The following ADAMTS19 variants were observed in gnomAD, a reference collection of about 807,000 sequenced individuals.
ADAMTS19 encodes A disintegrin and metalloproteinase with thrombospondin motifs 19.
In ADAMTS19, 93 loss-of-function variants were observed where a neutral mutation model predicts 153.3. That is an observed-to-expected ratio of 0.61 (90% CI 0.51 to 0.72). ADAMTS19 has a LOEUF of 0.72. Ranked by LOEUF, ADAMTS19 falls within the 30% of genes least tolerant of loss-of-function variation. The pLI, the probability that ADAMTS19 is intolerant of heterozygous loss-of-function variation, is 0.00. For synonymous variants in ADAMTS19, 600 were observed against 556.6 expected (o/e 1.08, Z -1.10); for missense variants, 1,482 against 1,552.1 (o/e 0.95, Z 0.76).
chr5:129,732,785 T>C (rs989884268), intron 21 of ADAMTS19, among the ~76,000 whole-genome samples: 1 of 152,004 alleles, frequency 6.6e-6, no homozygotes, highest in South Asian at 2.1e-4. Flanking sequence ...ATTATCAATG[T>C]CATTTTTCAC....
chr5:129,648,041 T>G (rs1753146549), intron 12 of ADAMTS19, 146 bp downstream of exon 12: 2 of 866,058 alleles, frequency 2.3e-6, no homozygotes, highest in Non-Finnish European at 1.6e-6. Flanking sequence ...ATTATTTATT[T>G]TATATAAAAA....
chr5:129,728,049 G>A (rs1270281175), intron 21 of ADAMTS19, among the ~76,000 whole-genome samples: 1 of 152,130 alleles, frequency 6.6e-6, no homozygotes. Flanking sequence ...CCAAGATGGT[G>A]ATGAAAGTGT....
chr5:129,610,804 C>T (rs539403207), intron 8 of ADAMTS19, among the ~76,000 whole-genome samples: 104 of 152,234 alleles, frequency 6.8e-4, no homozygotes, highest in African/African-American at 2.4e-3. Context: ...GGTATACACC[C>T]AGTAATGGAA....
intron 6 of ADAMTS19, among the ~76,000 whole-genome samples, chr5:129,538,382 AT>A (rs1280889698): frequency 6.6e-6 from 1 of 152,116 alleles, no homozygotes; most frequent in Admixed American, 6.6e-5. Flanking sequence ...CCAACAAAAT[AT>A]ATTGTGGCAT....
At chr5:129,672,460 G>A (rs566678362) in intron 16 of ADAMTS19, among the ~76,000 whole-genome samples, 1 of 152,122 alleles carries the variant, frequency 6.6e-6, no homozygotes, top group African/African-American at 2.4e-5. Flanking sequence ...TGGTAAGCAG[G>A]TGTAGACTTT....
At chr5:129,724,765 C>T (rs1023412213) in intron 21 of ADAMTS19, among the ~76,000 whole-genome samples, 4 of 152,138 alleles carry the variant, frequency 2.6e-5, no homozygotes, top group African/African-American at 9.7e-5. Flanking sequence ...ATCTAATTTA[C>T]ATAGGGCATG....
intron 2 of ADAMTS19, among the ~76,000 whole-genome samples, chr5:129,475,119 A>G (rs1251493197): frequency 6.7e-6 from 1 of 148,776 alleles, no homozygotes; most frequent in Non-Finnish European, 1.5e-5. Context: ...TTTTTTTTTA[A>G]TGGAACATGT....
chr5:129,501,335 G>C (rs1409958341), intron 2 of ADAMTS19, among the ~76,000 whole-genome samples: 1 of 152,156 alleles, frequency 6.6e-6, no homozygotes, highest in African/African-American at 2.4e-5. Context: ...AAGCCAGTGT[G>C]CCTTTGGCAG....
intron 7 of ADAMTS19, among the ~76,000 whole-genome samples, chr5:129,555,376 A>T (rs1429260946): frequency 2.6e-5 from 4 of 152,132 alleles, no homozygotes; most frequent in African/African-American, 9.7e-5. Context: ...CATGGACATT[A>T]TCTCATTTAA....
At chr5:129,526,927 G>T (rs983182646) in intron 4 of ADAMTS19, among the ~76,000 whole-genome samples, 3 of 151,640 alleles carry the variant, frequency 2.0e-5, no homozygotes, top group African/African-American at 7.3e-5. Flanking sequence ...TATATATGTG[G>T]CCCCACAAAA....
At chr5:129,485,523 T>C (rs1053202876) in intron 2 of ADAMTS19, among the ~76,000 whole-genome samples, 40 of 151,602 alleles carry the variant, frequency 2.6e-4, no homozygotes, top group Non-Finnish European at 1.2e-4. Context: ...TAGAGAAAAA[T>C]TAATATTCTG....
At chr5:129,737,007 G>A (rs761944250) in intron 22 of ADAMTS19, 60 bp from the exon 23 acceptor site, 981 of 1,412,032 alleles carry the variant, frequency 6.9e-4, no homozygotes, top group Non-Finnish European at 8.7e-4. Flanking sequence ...GCTTGAAGTT[G>A]GTTTTTACTG....
rs905425397 is a variant in ADAMTS19 at position 129,684,025 on chromosome 5, T to G, written c.2665-95T>G. The G allele has an allele frequency of 5.2e-6, 7 of 1,333,672 alleles. No homozygotes were observed. In the African/African-American group the frequency reaches 8.8e-5, roughly 17 times the overall value. The allele number at this position is 1,333,672 out of a possible 1,614,324, so 82.6% of individuals were successfully genotyped here. A position where few individuals can be genotyped will look rare whatever the true frequency, so the allele number is the denominator to read the frequency against. On this transcript the variant is annotated intron_variant, in intron 17 of 22. Transcript: ENST00000274487. ...CAACAACAAAATGCACACAACACAATGAGCATTTTAAGTATCAATATTGTT... is the reference window on the plus strand; with the variant it reads ...CAACAACAAAATGCACACAACACAAGGAGCATTTTAAGTATCAATATTGTT...
chr5:129,558,771 G>A (rs1753400785), intron 7 of ADAMTS19, among the ~76,000 whole-genome samples: 1 of 152,062 alleles, frequency 6.6e-6, no homozygotes, highest in African/African-American at 2.4e-5. Flanking sequence ...ATATGAAAAT[G>A]CAGTTGCCTG....
At chr5:129,699,293 C>T (rs1451943848) in intron 19 of ADAMTS19, among the ~76,000 whole-genome samples, 1 of 151,930 alleles carries the variant, frequency 6.6e-6, no homozygotes, top group African/African-American at 2.4e-5. Context: ...ACATGGCGGG[C>T]ATGCCCATAA....
At chr5:129,725,548 T>G (rs574905380) in intron 21 of ADAMTS19, among the ~76,000 whole-genome samples, 1 of 152,138 alleles carries the variant, frequency 6.6e-6, no homozygotes, top group South Asian at 2.1e-4. Context: ...TGAGATCTTA[T>G]TGGAAAGTTG....
At chr5:129,565,706 A>G (rs890177390) in intron 7 of ADAMTS19, among the ~76,000 whole-genome samples, 3 of 152,170 alleles carry the variant, frequency 2.0e-5, no homozygotes, top group Admixed American at 2.0e-4. Flanking sequence ...ATACTGAGCC[A>G]ACATTTTATC....
At chr5:129,496,198 G>T (rs958062063) in intron 2 of ADAMTS19, among the ~76,000 whole-genome samples, 2 of 151,988 alleles carry the variant, frequency 1.3e-5, no homozygotes, top group East Asian at 3.9e-4. Context: ...GGTTCTAAGT[G>T]GGGGAAAAAC....
At position 129,509,058 on chromosome 5, in the gene ADAMTS19, T is replaced by C. The variant is rs1162078921; in HGVS notation, c.748-19T>C. The stretch of plus-strand genomic sequence containing the variant: ...TCAAATGATATTTCTTACATATCTT[T>C]TTGTGTTATATATTCCAGATGGGAT... On this transcript the variant is annotated intron_variant, in intron 2 of 22. Coordinates refer to ENST00000274487, the MANE Select transcript of ADAMTS19 (RefSeq NM_133638.6). 2 of 1,527,400 alleles carry C rather than the reference T, an allele frequency of 1.3e-6. No individual in the cohort carries two copies. Among genetic ancestry groups the C allele is most frequent in the Non-Finnish European group, 1.8e-6 (2 of 1,133,218 alleles). 94.6% of individuals were successfully genotyped at this position (1,527,400 alleles called of 1,614,324 possible). A position where few individuals can be genotyped will look rare whatever the true frequency, so the allele number is the denominator to read the frequency against.
Sources: allele counts gnomAD v4.1 joint callset (sites outside exome capture counted in the v4.1 genomes callset), GRCh38; gene constraint gnomAD v4.1.1; transcripts MANE v1.5; gene names NCBI Gene and HGNC (gene_info 2026-07-23, HGNC 2026-07-21).